The following ABCC10 variants were observed in gnomAD, a reference collection of about 807,000 sequenced individuals.
ABCC10 encodes ATP-binding cassette sub-family C member 10.
ABCC10 carries 110 observed loss-of-function variants against 143.2 expected under a neutral mutation model. The ratio of observed to expected loss-of-function variants is 0.77; its 90% CI spans 0.66 to 0.90. The LOEUF (loss-of-function observed/expected upper bound fraction) is 0.90, where lower values mean the gene tolerates loss of function less well. Among genes scored for constraint, ABCC10 ranks in the 40% least tolerant of loss-of-function variants. ABCC10 has a pLI of 0.00. For missense variants in ABCC10, 1,700 were observed against 1,900.5 expected (o/e 0.89, Z 1.96); for synonymous variants, 805 against 846.7 (o/e 0.95, Z 0.85).
Position 43,443,672 on chromosome 6 carries a change from T to C in ABCC10, c.2417-261T>C. 1 of 455,176 alleles carries C rather than the reference T, an allele frequency of 2.2e-6. No homozygotes were observed. 28.2% of individuals were successfully genotyped at this position (455,176 alleles called of 1,614,324 possible). ...ATAGCTCTGGCGGTCCTCTTGGGGA[T>C]GGACATTCGTCCCTCTCTGCTGGTC... On this transcript the variant is annotated intron_variant, in intron 10 of 21. Transcript: ENST00000372530. This position sits in a 1 kb window ranked among gnomAD's most constrained non-coding sequence, Gnocchi z 4.2.
rs868224762 is a variant in ABCC10, at chr6:43,433,065, TC to T, written c.1087del (p.Leu363CysfsTer19). On this transcript the variant is annotated frameshift_variant, in exon 3 of 22. Coordinates refer to ENST00000372530, the MANE Select transcript of ABCC10 (RefSeq NM_001198934.2). LOFTEE classifies it high-confidence loss of function. ...TLQARGAVLNILYCKALQLGP... is the reference protein window; with the variant it reads ...TLQARGAVLNXLYCKALQLGP... ...CAGGCACGGGGGGCTGTGCTGAACA[TC>T]CTGTACTGCAAGGCTTTACAGCTGG... 2 of 1,614,006 alleles carry T rather than the reference TC, an allele frequency of 1.2e-6. No individual in the cohort carries two copies. Among genetic ancestry groups the T allele is most frequent in the African/African-American group, 2.7e-5 (2 of 74,898 alleles).
Position 43,433,240 on chromosome 6 carries a change from C to T in ABCC10, c.1260C>T (p.Gly420=), listed in dbSNP as rs149252338. 1.4e-5 allele frequency: 23 copies of T among 1,613,938 alleles called. No homozygotes were observed. In the African/African-American group the frequency reaches 2.0e-4, roughly 14 times the overall value. ...TCTACCTGCTGTACCAGCAGGTAGG[C>T]GTGGCCTTCGTGGGTGGTCTCATCT... The part of the protein sequence containing the change: ...ITLYLLYQQV[G]VAFVGGLILA... Residue 420 remains glycine (G), a synonymous_variant, in exon 3 of 22, where the codon GGC becomes GGT. Transcript: ENST00000372530.
chr6:43,430,552 G>A (rs562585131), intron 2 of ABCC10, among the ~76,000 whole-genome samples: 6 of 151,302 alleles, frequency 4.0e-5, no homozygotes, highest in Admixed American at 2.6e-4. Flanking sequence ...CTGAGATCAC[G>A]CCATTGCGCT....
chr6:43,434,805 T>C lies in ABCC10; in HGVS notation c.1565T>C (p.Phe522Ser). 1 of 1,614,220 alleles carries C rather than the reference T, an allele frequency of 6.2e-7. No individual in the cohort carries two copies. Among genetic ancestry groups the C allele is most frequent in the Non-Finnish European group, 8.5e-7 (1 of 1,180,032 alleles). Residue 522 changes from phenylalanine (F) to serine (S), a missense_variant, in exon 4 of 22, where the codon TTC becomes TCC. Transcript: ENST00000372530. ...CCGGTTGTCATCTCCATCGTTATCT[T>C]CATCACCTATGTCCTCATGGGGCAC... ...ALPVVISIVI[F>S]ITYVLMGHQL...
Position 43,432,946 on chromosome 6 carries a change from C to T in ABCC10, c.966C>T (p.His322=), listed in dbSNP as rs145760020. 58 of 1,614,066 alleles carry T rather than the reference C, an allele frequency of 3.6e-5. No homozygotes were observed. Among genetic ancestry groups the T allele is most frequent in the African/African-American group, 5.3e-5 (4 of 74,910 alleles). ...AAGAGGGGCAGGAGCCACTAAGCCA[C>T]GGCCTGCTCTATGCTCTGGGGCTAG... ...FLEEGQEPLS[H]GLLYALGLAG... Residue 322 remains histidine (H), a synonymous_variant, in exon 3 of 22, where the codon CAC becomes CAT. Transcript: ENST00000372530.
chr6:43,447,257 G>T lies in ABCC10; in HGVS notation c.3554G>T (p.Gly1185Val). The T allele has an allele frequency of 6.2e-7, 1 of 1,613,154 alleles. No individual in the cohort carries two copies. Among genetic ancestry groups the T allele is most frequent in the Non-Finnish European group, 8.5e-7 (1 of 1,179,810 alleles). ...TACTTCTCTCCCCCAGGGCTGGTGG[G>T]CTTGTCGCTGTCTTATGCCCTGTCC... ...QQGLANPGLV[G>V]LSLSYALSLT... Residue 1185 changes from glycine (G) to valine (V), a missense_variant, in exon 17 of 22, where the codon GGC becomes GTC. Gly to Val is a moderately radical substitution (Grantham distance 109, BLOSUM62 -3). Transcript: ENST00000372530.
chr6:43,439,400 T>C (rs1782088549), intron 8 of ABCC10, among the ~76,000 whole-genome samples: 1 of 111,338 alleles, frequency 9.0e-6, no homozygotes, highest in African/African-American at 3.1e-5. Flanking sequence ...TTTTTAAAAT[T>C]GATTAATTTT....
Position 43,449,951 on chromosome 6 carries a change from G to A in ABCC10, c.4339G>A (p.Asp1447Asn). 2 of 1,614,062 alleles carry A rather than the reference G, an allele frequency of 1.2e-6. No individual in the cohort carries two copies. The highest frequency in any genetic ancestry group is 1.7e-6 in the Non-Finnish European group (2 of 1,179,994). Residue 1447 changes from aspartate (D) to asparagine (N), a missense_variant, in exon 22 of 22, where the codon GAC becomes AAC. Physicochemically the swap from Asp to Asn is conservative, Grantham distance 23 (BLOSUM62 1). Transcript: ENST00000372530. Reference protein sequence around the residue: ...AHRLNTILNSDRVLVLQAGRV... With the variant: ...AHRLNTILNSNRVLVLQAGRV... ...CAGGCTCAACACGATCCTGAACTCA[G>A]ACCGGGTGCTGGTGCTACAAGCGGG...
chr6:43,430,159 C>T lies in ABCC10; in HGVS notation c.162-1983C>T, dbSNP rs1037493772. On this transcript the variant is annotated intron_variant, in intron 2 of 21. Coordinates refer to ENST00000372530, the MANE Select transcript of ABCC10 (RefSeq NM_001198934.2). ...AGGCTGGAGAGCAGTGGCACGATCT[C>T]GGCCCACTGCAACCTCCACCTCTTG... Among the ~76,000 whole-genome samples, 8 of 151,408 alleles carry T rather than the reference C, an allele frequency of 5.3e-5. 1 individual carries two copies. The highest frequency in any genetic ancestry group is 9.7e-5 in the African/African-American group (4 of 41,158).
intron 16 of ABCC10, chr6:43,446,854 G>T (rs1562201624): frequency 1.2e-5 from 11 of 921,110 alleles, no homozygotes; most frequent in African/African-American, 1.8e-5. Context: ...TTTTTGTTTT[G>T]TTTTTTTTTT....
intron 18 of ABCC10, 180 bp downstream of exon 18, chr6:43,448,117 A>G (rs1436271622): frequency 1.0e-6 from 1 of 967,584 alleles, no homozygotes; most frequent in Non-Finnish European, 1.6e-6. Flanking sequence ...GTCCAGATTC[A>G]TGGCTGGTGA....
chr6:43,430,232 A>C (rs1457177621), intron 2 of ABCC10, among the ~76,000 whole-genome samples: 2 of 151,944 alleles, frequency 1.3e-5, no homozygotes, highest in Non-Finnish European at 2.9e-5. Flanking sequence ...CTGAGACTAC[A>C]GGCATGTGCC....
chr6:43,451,421 A>C, downstream of ABCC10: 1 of 1,084,458 alleles, frequency 9.2e-7, no homozygotes, highest in Non-Finnish European at 1.3e-6. The surrounding 1 kb of genome is among the most constrained non-coding windows in gnomAD (Gnocchi z 4.4). Context: ...TGAGAATAAA[A>C]ATAGTACCCA....
At chr6:43,451,351 A>G, downstream of ABCC10, 2 of 1,500,594 alleles carry the variant, frequency 1.3e-6, no homozygotes, top group South Asian at 1.3e-5. The surrounding 1 kb of genome is among the most constrained non-coding windows in gnomAD (Gnocchi z 4.4). Context: ...TATCCTGACC[A>G]CTGCCCGCCA....
chr6:43,444,575 T>C (rs970257055), intron 12 of ABCC10, among the ~76,000 whole-genome samples: 1 of 152,194 alleles, frequency 6.6e-6, no homozygotes, highest in Non-Finnish European at 1.5e-5. Context: ...TCTGCAAGTC[T>C]GAGATCCTGT....
In ABCC10 at chr6:43,443,955, A is replaced by C; in HGVS notation, c.2439A>C (p.Pro813=). Reference sequence around the variant, plus strand: ...CAGGACCTCCCTCTGAGATTCTGCCACTGGTACAAGCTGTCCCCAAAGCCT... The same window carrying C: ...CAGGACCTCCCTCTGAGATTCTGCCCCTGGTACAAGCTGTCCCCAAAGCCT... ...IRAGPPSEIL[P]LVQAVPKAWA... The change falls in exon 11 of 22, where the codon CCA becomes CCC. Residue 813 remains proline (P), a synonymous_variant. Transcript: ENST00000372530. This position sits in a 1 kb window ranked among gnomAD's most constrained non-coding sequence, Gnocchi z 4.2. 3 of 1,614,122 alleles carry C rather than the reference A, an allele frequency of 1.9e-6. No individual in the cohort carries two copies. Among genetic ancestry groups the C allele is most frequent in the Non-Finnish European group, 2.5e-6 (3 of 1,179,944 alleles).
chr6:43,450,989 G>A (rs1352498432), downstream of ABCC10: 5 of 1,614,114 alleles, frequency 3.1e-6, no homozygotes, highest in South Asian at 2.2e-5. The surrounding 1 kb of genome is among the most constrained non-coding windows in gnomAD (Gnocchi z 4.5). Flanking sequence ...AGAGGCAGTC[G>A]AAGTCGTGGA....
At chr6:43,440,253 G>A (rs1258740641) in intron 8 of ABCC10, among the ~76,000 whole-genome samples, 5 of 152,030 alleles carry the variant, frequency 3.3e-5, no homozygotes, top group East Asian at 1.9e-4. Flanking sequence ...CACTGTGCCC[G>A]GCCCAGCTTT....
Position 43,446,381 on chromosome 6 carries a change from C to A in ABCC10, c.3479C>A (p.Ala1160Glu). ...WLDIRLQLMG[A>E]AVVSAIAGIA... is the part of the protein sequence containing the mutation. ...GACATTCGGCTACAGCTCATGGGGGCGGCAGTGGTCAGCGCTATCGCAGGC... is the reference window on the plus strand; with the variant it reads ...GACATTCGGCTACAGCTCATGGGGGAGGCAGTGGTCAGCGCTATCGCAGGC... Residue 1160 changes from alanine (A) to glutamate (E), a missense_variant, in exon 16 of 22, where the codon GCG becomes GAG. Ala to Glu is a moderately radical substitution (Grantham distance 107, BLOSUM62 -1). Coordinates refer to ENST00000372530, the MANE Select transcript of ABCC10 (RefSeq NM_001198934.2). The A allele has an allele frequency of 6.2e-7, 1 of 1,613,426 alleles. No homozygotes were observed. The highest frequency in any genetic ancestry group is 2.2e-5 in the East Asian group (1 of 44,876).
Sources: allele counts gnomAD v4.1 joint callset (sites outside exome capture counted in the v4.1 genomes callset), GRCh38; gene constraint gnomAD v4.1.1; non-coding constraint Gnocchi (gnomAD v3.1); transcripts MANE v1.5; gene names NCBI Gene and HGNC (gene_info 2026-07-23, HGNC 2026-07-21).